Variants in AGBL3 observed in about 807,000 individuals in gnomAD.
The protein encoded by AGBL3 is cytosolic carboxypeptidase 3.
Under a neutral mutation model 94.5 loss-of-function variants are expected in AGBL3, and 68 were observed. The observed-to-expected ratio is 0.72, with a 90% CI of 0.59 to 0.88. The LOEUF (loss-of-function observed/expected upper bound fraction) is 0.88, where lower values mean the gene tolerates loss of function less well. Among genes scored for constraint, AGBL3 ranks in the 40% least tolerant of loss-of-function variants. The pLI, the probability that AGBL3 is intolerant of heterozygous loss-of-function variation, is 0.00. For missense variants in AGBL3, 934 were observed against 1,103.8 expected, an observed-to-expected ratio of 0.85 and a Z score of 2.18; for synonymous variants, 354 against 370.7, an observed-to-expected ratio of 0.95 and a Z score of 0.52.
chr7:135,116,382 A>G (rs1417650685), intron 16 of AGBL3, among the ~76,000 whole-genome samples: 2 of 152,164 alleles, frequency 1.3e-5, no homozygotes, highest in East Asian at 1.9e-4. Context: ...TATACTTAAT[A>G]TACAAAGAGT....
chr7:135,084,092 T>C (rs1821140039), intron 15 of AGBL3, among the ~76,000 whole-genome samples: 1 of 152,094 alleles, frequency 6.6e-6, no homozygotes, highest in Non-Finnish European at 1.5e-5. Context: ...ACTCAAAATT[T>C]TTTCCTTTAT....
At chr7:135,048,161 T>C (rs750892625) in intron 11 of AGBL3, among the ~76,000 whole-genome samples, 1 of 151,936 alleles carries the variant, frequency 6.6e-6, no homozygotes, top group Non-Finnish European at 1.5e-5. Flanking sequence ...TATTTGGTCA[T>C]ATATGTGTGG....
chr7:135,013,824 AAAT>A (rs764230013), intron 4 of AGBL3, among the ~76,000 whole-genome samples: 13 of 152,112 alleles, frequency 8.5e-5, no homozygotes, highest in Non-Finnish European at 1.6e-4. Context: ...TAAATAAGTG[AAAT>A]AATATATTTT....
chr7:135,039,486 G>T (rs550044728), intron 8 of AGBL3, among the ~76,000 whole-genome samples: 2 of 152,284 alleles, frequency 1.3e-5, no homozygotes, highest in African/African-American at 4.8e-5. Flanking sequence ...TATAATCCCA[G>T]CACTTTGAGA....
chr7:135,121,496 G>C (rs899379489), intron 16 of AGBL3, among the ~76,000 whole-genome samples: 26 of 150,676 alleles, frequency 1.7e-4, no homozygotes, highest in African/African-American at 6.4e-4. Context: ...ATCATAGAAA[G>C]TGTATATCTG....
At chr7:135,053,151 G>T (rs1200042406) in intron 11 of AGBL3, among the ~76,000 whole-genome samples, 2 of 152,244 alleles carry the variant, frequency 1.3e-5, no homozygotes, top group East Asian at 3.9e-4. Context: ...ACATGTAGAA[G>T]GCATAGCTTC....
chr7:135,134,004 C>A (rs2117368524), intron 16 of AGBL3, among the ~76,000 whole-genome samples: 1 of 151,828 alleles, frequency 6.6e-6, no homozygotes, highest in African/African-American at 2.4e-5. Context: ...TTCCTTTATG[C>A]AACATTCTTA....
intron 11 of AGBL3, among the ~76,000 whole-genome samples, chr7:135,052,001 ATT>A (rs11463450): frequency 2.4e-4 from 36 of 152,208 alleles, no homozygotes; most frequent in African/African-American, 8.4e-4. Flanking sequence ...ACTTCCATTA[ATT>A]TTTTGTTTTT....
intron 16 of AGBL3, among the ~76,000 whole-genome samples, chr7:135,116,767 C>T (rs1826376807): frequency 6.6e-6 from 1 of 152,146 alleles, no homozygotes; most frequent in South Asian, 2.1e-4. Flanking sequence ...AGTGAGGGCA[C>T]TGTTTATCTG....
intron 16 of AGBL3, among the ~76,000 whole-genome samples, chr7:135,119,319 T>C (rs1826788185): frequency 6.6e-6 from 1 of 151,908 alleles, no homozygotes; most frequent in Non-Finnish European, 1.5e-5. Context: ...AACCTCCGCC[T>C]CCTGGGTTCA....
At chr7:135,016,655 A>G (rs753065864) in intron 4 of AGBL3, among the ~76,000 whole-genome samples, 7 of 152,164 alleles carry the variant, frequency 4.6e-5, no homozygotes, top group Non-Finnish European at 7.4e-5. Context: ...ACATGTTTAT[A>G]AGATTTATCT....
At chr7:134,998,555 T>C (rs1391442159) in intron 4 of AGBL3, among the ~76,000 whole-genome samples, 1 of 152,224 alleles carries the variant, frequency 6.6e-6, no homozygotes, top group Non-Finnish European at 1.5e-5. Flanking sequence ...CTGGTCTAGA[T>C]TGCCAGCAGT....
chr7:135,071,866 T>A (rs941032699), intron 12 of AGBL3, among the ~76,000 whole-genome samples: 31 of 152,052 alleles, frequency 2.0e-4, no homozygotes, highest in African/African-American at 6.8e-4. Flanking sequence ...GGACTTCATG[T>A]CTAAAACACC....
chr7:135,110,510 C>T (rs1328821420), intron 15 of AGBL3, among the ~76,000 whole-genome samples: 1 of 152,110 alleles, frequency 6.6e-6, no homozygotes, highest in Non-Finnish European at 1.5e-5. Context: ...GACCTCCTGA[C>T]CTGGGAGCTG....
At chr7:135,094,783 C>T (rs185881380) in intron 15 of AGBL3, among the ~76,000 whole-genome samples, 1 of 152,238 alleles carries the variant, frequency 6.6e-6, no homozygotes, top group Admixed American at 6.5e-5. Context: ...AGAGGCCTTA[C>T]ATTTATAGGA....
chr7:135,037,883 G>A (rs1816466911), intron 8 of AGBL3, among the ~76,000 whole-genome samples: 1 of 151,798 alleles, frequency 6.6e-6, no homozygotes, highest in Admixed American at 6.6e-5. Flanking sequence ...TTTTTTTATT[G>A]TTTAAATAGT....
intron 11 of AGBL3, among the ~76,000 whole-genome samples, chr7:135,056,571 T>C (rs1202736412): frequency 6.6e-6 from 1 of 152,044 alleles, no homozygotes; most frequent in Non-Finnish European, 1.5e-5. Context: ...AAAAGGTTAA[T>C]ATACAATTGC....
intron 15 of AGBL3, among the ~76,000 whole-genome samples, chr7:135,103,918 T>C (rs17168224): frequency 0.08 from 12,208 of 152,172 alleles, 543 homozygotes; most frequent in East Asian, 0.19. Context: ...ATGGTATTAT[T>C]TTATTTTTAA....
intron 13 of AGBL3, among the ~76,000 whole-genome samples, chr7:135,076,804 G>A (rs914079496): frequency 7.0e-6 from 1 of 142,744 alleles, no homozygotes; most frequent in Non-Finnish European, 1.6e-5. Flanking sequence ...AAAAACAGTG[G>A]TACTGAAACA....
Sources: gnomAD v4.1 joint callset for allele counts (sites outside exome capture counted in the v4.1 genomes callset) on GRCh38, gnomAD v4.1.1 for gene constraint, MANE v1.5 for transcripts, NCBI Gene and HGNC (gene_info 2026-07-23, HGNC 2026-07-21) for gene names.